SULF2: variants seen among roughly 807,000 people sequenced by gnomAD.
SULF2 encodes the protein extracellular sulfatase Sulf-2.
In SULF2, 52 loss-of-function variants were observed where a neutral mutation model predicts 107.7. The observed-to-expected ratio is 0.48, with a 90% CI of 0.39 to 0.61. SULF2 has a LOEUF of 0.61. Ranked by LOEUF, SULF2 falls within the 20% of genes least tolerant of loss-of-function variation. The pLI is 0.00. For synonymous variants in SULF2, 460 were observed against 464.3 expected (o/e 0.99, Z 0.12); for missense variants, 993 against 1,177.3 (o/e 0.84, Z 2.29).
chr20:47,712,328 C>A (rs955584574), intron 3 of SULF2, among the ~76,000 whole-genome samples: 2 of 152,222 alleles, frequency 1.3e-5, no homozygotes, highest in Non-Finnish European at 1.5e-5. Context: ...CGAGCATTGG[C>A]ACCTGCTCTT....
chr20:47,778,711 C>T (rs1160341026), intron 1 of SULF2, among the ~76,000 whole-genome samples: 1 of 152,176 alleles, frequency 6.6e-6, no homozygotes, highest in Non-Finnish European at 1.5e-5. Flanking sequence ...CACTGAGAAA[C>T]CAGGCGATGA....
At chr20:47,780,063 C>T (rs983752532) in intron 1 of SULF2, among the ~76,000 whole-genome samples, 9 of 144,368 alleles carry the variant, frequency 6.2e-5, no homozygotes, top group Admixed American at 1.4e-4. Flanking sequence ...GTTGCCCAGG[C>T]TGGAATGCAG....
At chr20:47,660,972 C>T (rs569192420) in intron 18 of SULF2, among the ~76,000 whole-genome samples, 1 of 152,294 alleles carries the variant, frequency 6.6e-6, no homozygotes, top group Admixed American at 6.5e-5. Flanking sequence ...CAAGCCACCA[C>T]CATTTCTCCC....
At chr20:47,754,684 C>G (rs1208690359) in intron 2 of SULF2, among the ~76,000 whole-genome samples, 1 of 152,166 alleles carries the variant, frequency 6.6e-6, no homozygotes. Context: ...GTCTGTGCAA[C>G]GATGCCTGTT....
At position 47,678,439 on chromosome 20, in the gene SULF2, T is replaced by TAAA; in HGVS notation, c.1193+236_1193+237insTTT. ...TATCATTTCAAGCTTTGGGTAATTT[T>TAAA]AGCTCAGAGAAGGTCCCCAACTGGT... is the stretch of plus-strand genomic sequence containing the variant. On this transcript the variant is annotated intron_variant, in intron 8 of 20. Coordinates refer to ENST00000688720, the MANE Select transcript of SULF2 (RefSeq NM_001387048.1). This position sits in a 1 kb window ranked among gnomAD's most constrained non-coding sequence, Gnocchi z 4.5. 1.9e-6 allele frequency: 1 copy of TAAA among 537,602 alleles called. No individual in the cohort carries two copies. The highest frequency in any genetic ancestry group is 3.4e-6 in the Non-Finnish European group (1 of 296,502). The allele number at this position is 537,602 out of a possible 1,614,324, so 33.3% of individuals were successfully genotyped here.
rs1269166727 is a variant in SULF2, at chr20:47,757,520, T to C, written c.-100-57A>G. ...TATGTCAAGGCTGCCGGCTGCTCAT[T>C]CTTGCATAATGATTTGTATGGCGGC... On this transcript the variant is annotated intron_variant, in intron 1 of 20. Coordinates refer to ENST00000688720, the MANE Select transcript of SULF2 (RefSeq NM_001387048.1). 6.1e-6 allele frequency: 5 copies of C among 826,170 alleles called. No homozygotes were observed. In the East Asian group the frequency reaches 1.1e-4, roughly 18 times the overall value. The allele number at this position is 826,170 out of a possible 1,614,324, so 51.2% of individuals were successfully genotyped here. A position where few individuals can be genotyped will look rare whatever the true frequency, so the allele number is the denominator to read the frequency against.
At chr20:47,781,276 C>T (rs549939098) in intron 1 of SULF2, among the ~76,000 whole-genome samples, 1 of 152,382 alleles carries the variant, frequency 6.6e-6, no homozygotes, top group African/African-American at 2.4e-5. Context: ...CAGCATTGCT[C>T]ACATTAGTGG....
At chr20:47,726,061 G>T (rs1255421673) in intron 3 of SULF2, among the ~76,000 whole-genome samples, 2 of 152,120 alleles carry the variant, frequency 1.3e-5, no homozygotes, top group Non-Finnish European at 2.9e-5. Context: ...GCAGGGATGA[G>T]GAGGAGGAGA....
intron 2 of SULF2, among the ~76,000 whole-genome samples, chr20:47,742,874 A>T (rs2089918151): frequency 6.6e-6 from 1 of 151,260 alleles, no homozygotes; most frequent in African/African-American, 2.4e-5. Context: ...CAGAGCAAAC[A>T]CTATCTATGG....
At chr20:47,785,076 G>A (rs1465196143) in intron 1 of SULF2, among the ~76,000 whole-genome samples, 1 of 152,044 alleles carries the variant, frequency 6.6e-6, no homozygotes, top group Non-Finnish European at 1.5e-5. Flanking sequence ...TCAGGGGCGC[G>A]GCGGGAAGTC....
chr20:47,684,387 G>A, intron 6 of SULF2, 44 bp downstream of exon 6: 1 of 1,557,474 alleles, frequency 6.4e-7, no homozygotes, highest in Non-Finnish European at 8.7e-7. Context: ...CCTGGCTGGG[G>A]GTTCGGAGCC....
intron 3 of SULF2, among the ~76,000 whole-genome samples, chr20:47,722,918 T>A (rs1292559809): frequency 2.0e-5 from 3 of 152,156 alleles, no homozygotes; most frequent in African/African-American, 7.2e-5. Context: ...ATGTAAAAAA[T>A]TAGCCGGTTG....
chr20:47,682,954 C>T (rs1331315275), intron 7 of SULF2, 40 bp downstream of exon 7: 3 of 1,545,544 alleles, frequency 1.9e-6, no homozygotes, highest in Non-Finnish European at 2.6e-6. Context: ...TGAGCTGGGC[C>T]CAGGGGCCTC....
chr20:47,704,719 G>C (rs901233020), intron 3 of SULF2, among the ~76,000 whole-genome samples: 1 of 152,218 alleles, frequency 6.6e-6, no homozygotes, highest in Admixed American at 6.5e-5. Context: ...GTATTGCTGA[G>C]AGCACAGAAT....
intron 1 of SULF2, among the ~76,000 whole-genome samples, chr20:47,779,469 G>T (rs554288262): frequency 9.2e-5 from 14 of 152,190 alleles, no homozygotes; most frequent in African/African-American, 3.4e-4. Context: ...CCACTCTCGG[G>T]CCCTCTCTGT....
chr20:47,665,489 T>C (rs2087231967), intron 13 of SULF2, among the ~76,000 whole-genome samples, 196 bp from the exon 14 acceptor site: 1 of 152,186 alleles, frequency 6.6e-6, no homozygotes, highest in South Asian at 2.1e-4. Flanking sequence ...CGCCTTCTCC[T>C]CCAGCCAGCC....
intron 1 of SULF2, among the ~76,000 whole-genome samples, chr20:47,763,713 A>G (rs562279944): frequency 3.9e-5 from 6 of 152,296 alleles, no homozygotes; most frequent in Non-Finnish European, 8.8e-5. Flanking sequence ...CTTTACAAAT[A>G]CGTATGAAGG....
intron 3 of SULF2, among the ~76,000 whole-genome samples, chr20:47,731,187 CTTTTTTT>C (rs71183273): frequency 4.8e-4 from 39 of 81,168 alleles, no homozygotes; most frequent in Admixed American, 1.5e-3. Context: ...TGTATCTTCT[CTTTTTTT>C]TTTTTTTTTT....
At chr20:47,716,750 C>T (rs2089134304) in intron 3 of SULF2, among the ~76,000 whole-genome samples, 1 of 152,100 alleles carries the variant, frequency 6.6e-6, no homozygotes, top group Non-Finnish European at 1.5e-5. Flanking sequence ...AATCCCAGCA[C>T]TTCGGGAGGC....
Sources: allele counts gnomAD v4.1 joint callset (sites outside exome capture counted in the v4.1 genomes callset), GRCh38; gene constraint gnomAD v4.1.1; non-coding constraint Gnocchi (gnomAD v3.1); transcripts MANE v1.5; gene names NCBI Gene and HGNC (gene_info 2026-07-23, HGNC 2026-07-21).